RBFOX1: variants seen among roughly 807,000 people sequenced by gnomAD.
RBFOX1 encodes RNA binding fox-1 homolog 1, also known as RNA binding protein fox-1 homolog 1.
A neutral mutation model predicts 57.7 loss-of-function variants in RBFOX1; 8 were observed. The ratio of observed to expected loss-of-function variants is 0.14; its 90% CI spans 0.08 to 0.25. RBFOX1 has a LOEUF of 0.25. Among genes scored for constraint, RBFOX1 ranks in the 10% least tolerant of loss-of-function variants. The pLI, the probability that RBFOX1 is intolerant of heterozygous loss-of-function variation, is 1.00. For synonymous variants in RBFOX1, 326 were observed against 222.4 expected (o/e 1.47, Z -4.15); for missense variants, 611 against 548.5 (o/e 1.11, Z -1.14).
At chr16:7,176,971 G>T (rs998059443) in intron 4 of RBFOX1, among the ~76,000 whole-genome samples, 7 of 152,062 alleles carry the variant, frequency 4.6e-5, no homozygotes, top group Admixed American at 4.6e-4. Flanking sequence ...TCATTTACAA[G>T]GTAGTTTTCA....
rs550285948 is a variant in RBFOX1 at position 6,795,493 on chromosome 16, C to T, written c.-16+140843C>T. On this transcript the variant is annotated intron_variant, in intron 3 of 15. Transcript: ENST00000550418. ...TTAAAGAGAGACATTGTTGGCTGCGCACGTTGGCTCACGTCTGTAATCCCA... is the reference window on the plus strand; with the variant it reads ...TTAAAGAGAGACATTGTTGGCTGCGTACGTTGGCTCACGTCTGTAATCCCA... Among the ~76,000 whole-genome samples the T allele has an allele frequency of 3.3e-5, 5 of 152,198 alleles. No individual in the cohort carries two copies. The East Asian group carries it at 5.8e-4, about 18-fold the overall frequency.
intron 3 of RBFOX1, among the ~76,000 whole-genome samples, chr16:5,735,324 A>C (rs961716783): frequency 6.6e-6 from 1 of 152,222 alleles, no homozygotes; most frequent in African/African-American, 2.4e-5. Flanking sequence ...TTCTGAAATG[A>C]CAGAACAAAG....
At chr16:6,369,946 A>T (rs893857574) in intron 2 of RBFOX1, among the ~76,000 whole-genome samples, 1 of 152,186 alleles carries the variant, frequency 6.6e-6, no homozygotes, top group Non-Finnish European at 1.5e-5. Context: ...AGTTTTGTTC[A>T]TGGTCCAGAA....
chr16:5,652,440 G>A (rs1435606745), intron 3 of RBFOX1, among the ~76,000 whole-genome samples: 1 of 152,130 alleles, frequency 6.6e-6, no homozygotes, highest in African/African-American at 2.4e-5. Flanking sequence ...TAGTTGGAAG[G>A]GAAGCCTGTA....
At chr16:7,066,393 G>T (rs1324215972) in intron 4 of RBFOX1, among the ~76,000 whole-genome samples, 1 of 152,188 alleles carries the variant, frequency 6.6e-6, no homozygotes, top group Admixed American at 6.5e-5. Context: ...TACGAGAAGG[G>T]TATGGTTTTC....
At chr16:5,854,323 A>G (rs2056972062) in intron 3 of RBFOX1, among the ~76,000 whole-genome samples, 1 of 152,224 alleles carries the variant, frequency 6.6e-6, no homozygotes, top group African/African-American at 2.4e-5. Context: ...TGTTTTGACC[A>G]ACATCTCCCT....
At chr16:5,911,030 A>C (rs1471620530) in intron 4 of RBFOX1, among the ~76,000 whole-genome samples, 2 of 152,102 alleles carry the variant, frequency 1.3e-5, no homozygotes, top group African/African-American at 4.8e-5. Flanking sequence ...CTTATCTGTA[A>C]TCATACCCCA....
chr16:5,577,427 G>A (rs545110457), intron 2 of RBFOX1, among the ~76,000 whole-genome samples: 1 of 152,196 alleles, frequency 6.6e-6, no homozygotes, highest in African/African-American at 2.4e-5. Flanking sequence ...TCATCAGCTG[G>A]CATTTTAGTG....
At chr16:6,454,570 A>T (rs1396717286) in intron 2 of RBFOX1, among the ~76,000 whole-genome samples, 1 of 152,190 alleles carries the variant, frequency 6.6e-6, no homozygotes, top group Non-Finnish European at 1.5e-5. Context: ...AAACAAGGAA[A>T]CAAAAAATGA....
At chr16:7,042,426 T>A (rs2046473231) in intron 3 of RBFOX1, among the ~76,000 whole-genome samples, 1 of 152,134 alleles carries the variant, frequency 6.6e-6, no homozygotes, top group African/African-American at 2.4e-5. Flanking sequence ...CTTTACGGTT[T>A]TAGGAATTCA....
intron 3 of RBFOX1, among the ~76,000 whole-genome samples, chr16:5,649,189 T>G (rs1255038560): frequency 6.6e-6 from 1 of 152,026 alleles, no homozygotes; most frequent in Non-Finnish European, 1.5e-5. Context: ...GTACTTTGTG[T>G]TTTGAGATGG....
chr16:5,803,933 G>A (rs2055144623), intron 3 of RBFOX1, among the ~76,000 whole-genome samples: 1 of 152,010 alleles, frequency 6.6e-6, no homozygotes, highest in African/African-American at 2.4e-5. Flanking sequence ...GAATTGTCTT[G>A]TCCATCCCAA....
At chr16:6,008,631 A>T (rs1250202958) in intron 4 of RBFOX1, among the ~76,000 whole-genome samples, 1 of 152,108 alleles carries the variant, frequency 6.6e-6, no homozygotes, top group Non-Finnish European at 1.5e-5. Context: ...CAACCAGGGG[A>T]GTTTGAAGAT....
Position 7,630,599 on chromosome 16 carries a change from G to A in RBFOX1, c.677-4G>A, listed in dbSNP as rs759738790. ...CAGATACCATCTCTCTCTCTCTTTC[G>A]TAGGCACGGTCCTGTTGTGCCAGGC... On this transcript the variant is annotated splice_polypyrimidine_tract_variant and splice_region_variant and intron_variant, in intron 10 of 15. Coordinates refer to ENST00000550418, the MANE Select transcript of RBFOX1 (RefSeq NM_018723.4). 69 of 1,613,788 alleles carry A rather than the reference G, an allele frequency of 4.3e-5. No individual in the cohort carries two copies. The highest frequency in any genetic ancestry group is 5.4e-5 in the Non-Finnish European group (64 of 1,180,014).
chr16:5,885,272 T>G (rs1050471771), intron 4 of RBFOX1, among the ~76,000 whole-genome samples: 1 of 148,012 alleles, frequency 6.8e-6, no homozygotes, highest in Admixed American at 6.8e-5. Flanking sequence ...TGAATCAACA[T>G]AATACTGTGT....
chr16:6,974,611 C>G (rs2086386205), intron 3 of RBFOX1, among the ~76,000 whole-genome samples: 1 of 152,026 alleles, frequency 6.6e-6, no homozygotes, highest in South Asian at 2.1e-4. Flanking sequence ...TCCCAAAGTG[C>G]TGGGATTACA....
intron 2 of RBFOX1, among the ~76,000 whole-genome samples, chr16:6,450,777 ATATATATATATACATATATATATG>A (rs2094579886): frequency 2.5e-5 from 1 of 39,524 alleles, no homozygotes; most frequent in African/African-American, 1.3e-4. Flanking sequence ...GTATATATAT[ATATATATATATACATATATATATG>A]TATATATATA....
intron 4 of RBFOX1, among the ~76,000 whole-genome samples, chr16:7,395,702 A>C (rs1297612313): frequency 1.3e-5 from 2 of 152,210 alleles, no homozygotes; most frequent in East Asian, 3.9e-4. Context: ...TAGACTTGCA[A>C]ATGCTCTATG....
At chr16:7,701,188 A>G (rs868006242) in intron 14 of RBFOX1, among the ~76,000 whole-genome samples, 10 of 145,560 alleles carry the variant, frequency 6.9e-5, no homozygotes, top group Admixed American at 5.3e-4. Context: ...AGATGACTCC[A>G]TGTTATCTTG....
Sources: gnomAD v4.1 joint callset for allele counts (sites outside exome capture counted in the v4.1 genomes callset) on GRCh38, gnomAD v4.1.1 for gene constraint, MANE v1.5 for transcripts, NCBI Gene and HGNC (gene_info 2026-07-23, HGNC 2026-07-21) for gene names.